Variants in CAST observed in about 807,000 individuals in gnomAD.
CAST encodes the protein MIR583 host.
CAST carries 76 observed loss-of-function variants against 119.6 expected under a neutral mutation model. The ratio of observed to expected loss-of-function variants is 0.64; its 90% CI spans 0.53 to 0.77. The LOEUF is 0.77. Ranked by LOEUF, CAST falls within the 30% of genes least tolerant of loss-of-function variation. The probability of loss-of-function intolerance (pLI) is 0.00; values close to 1 mark genes in which losing one functional copy is unlikely to be tolerated. For missense variants in CAST, 953 were observed against 946.5 expected, an observed-to-expected ratio of 1.01 and a Z score of -0.09; for synonymous variants, 319 against 331.6, an observed-to-expected ratio of 0.96 and a Z score of 0.41.
At chr5:96,197,139 C>A in the CAST span, among the ~76,000 whole-genome samples, 1 of 152,190 alleles carries the variant, frequency 6.6e-6, no homozygotes, top group East Asian at 1.9e-4. Flanking sequence ...GAGCTCAGAA[C>A]CACCGGGTTA....
At chr5:96,362,816 T>C in the CAST span, among the ~76,000 whole-genome samples, 1 of 152,114 alleles carries the variant, frequency 6.6e-6, no homozygotes, top group African/African-American at 2.4e-5. Flanking sequence ...TTTCTTTTGC[T>C]GTGCAGAAGC....
chr5:96,388,845 G>A, the CAST span, among the ~76,000 whole-genome samples: 2 of 151,918 alleles, frequency 1.3e-5, no homozygotes, highest in African/African-American at 4.8e-5. Context: ...ATTGTTTTAT[G>A]TACAACACAA....
chr5:96,371,278 A>G, the CAST span, among the ~76,000 whole-genome samples: 1 of 152,156 alleles, frequency 6.6e-6, no homozygotes, highest in Non-Finnish European at 1.5e-5. Flanking sequence ...AGTTCTGGAA[A>G]AGTTTCCAGA....
chr5:96,330,763 A>G, the CAST span, among the ~76,000 whole-genome samples: 2 of 152,226 alleles, frequency 1.3e-5, no homozygotes, highest in Non-Finnish European at 2.9e-5. Context: ...TCATGATTTC[A>G]TAACAGCAAA....
the CAST span, among the ~76,000 whole-genome samples, chr5:96,094,903 A>G: frequency 6.6e-6 from 1 of 152,232 alleles, no homozygotes; most frequent in Non-Finnish European, 1.5e-5. Context: ...TAATTAGGCT[A>G]CAAAAGTCTT....
chr5:96,021,738 G>A, the CAST span, among the ~76,000 whole-genome samples: 1,521 of 152,144 alleles, frequency 1.0e-2, 32 homozygotes, highest in African/African-American at 0.035. Flanking sequence ...GAGCCACTGC[G>A]CCTGGCTGAT....
intron 1 of CAST, among the ~76,000 whole-genome samples, chr5:96,536,220 G>T (rs962462535): frequency 6.6e-6 from 1 of 151,800 alleles, no homozygotes; most frequent in South Asian, 2.1e-4. Context: ...TTAGCCAGGC[G>T]TGGTGAGAGA....
chr5:96,194,944 C>A, the CAST span, among the ~76,000 whole-genome samples: 1 of 152,126 alleles, frequency 6.6e-6, no homozygotes, highest in Non-Finnish European at 1.5e-5. Flanking sequence ...CAGTAAGATG[C>A]AGGCATACCT....
At chr5:95,971,527 C>T in the CAST span, among the ~76,000 whole-genome samples, 1 of 152,170 alleles carries the variant, frequency 6.6e-6, no homozygotes, top group South Asian at 2.1e-4. Context: ...TATTTTATAT[C>T]AAAAATTCGA....
intron 1 of CAST, among the ~76,000 whole-genome samples, chr5:96,540,050 A>G (rs1211701199): frequency 6.6e-6 from 1 of 152,108 alleles, no homozygotes; most frequent in Non-Finnish European, 1.5e-5. Context: ...ATAGCTTCAA[A>G]TATGTGTAGT....
chr5:96,498,670 T>C, the CAST span, among the ~76,000 whole-genome samples: 3 of 152,212 alleles, frequency 2.0e-5, no homozygotes, highest in African/African-American at 4.8e-5. Flanking sequence ...TTATTTGTGG[T>C]AAATAATTAT....
chr5:96,518,810 C>T, the CAST span, among the ~76,000 whole-genome samples: 1 of 152,052 alleles, frequency 6.6e-6, no homozygotes, highest in Non-Finnish European at 1.5e-5. Context: ...GTCAGGAGTT[C>T]AAGATCAGCC....
chr5:96,462,567 A>C, the CAST span, among the ~76,000 whole-genome samples: 19 of 152,138 alleles, frequency 1.2e-4, no homozygotes, highest in Admixed American at 1.2e-3. Flanking sequence ...ATTCATCATC[A>C]TTATTATTTT....
chr5:95,976,036 C>T, the CAST span, among the ~76,000 whole-genome samples: 1 of 151,966 alleles, frequency 6.6e-6, no homozygotes, highest in Non-Finnish European at 1.5e-5. Flanking sequence ...CACTGTGCTC[C>T]CAAGCACATT....
chr5:96,614,561 A>G (rs1393003656), intron 1 of CAST, among the ~76,000 whole-genome samples: 2 of 152,200 alleles, frequency 1.3e-5, no homozygotes, highest in African/African-American at 4.8e-5. Flanking sequence ...GCAGGGGATT[A>G]GAAGAGGAAA....
the CAST span, among the ~76,000 whole-genome samples, chr5:96,309,882 G>T: frequency 1.3e-5 from 2 of 152,336 alleles, no homozygotes; most frequent in Admixed American, 1.3e-4. Flanking sequence ...GCTACAGACC[G>T]GAGCTGTTCC....
At chr5:96,552,488 C>G (rs1746153326) in intron 1 of CAST, among the ~76,000 whole-genome samples, 1 of 152,010 alleles carries the variant, frequency 6.6e-6, no homozygotes, top group African/African-American at 2.4e-5. Context: ...AATTGATACC[C>G]TAACATCACA....
At chr5:96,444,771 T>TA in the CAST span, among the ~76,000 whole-genome samples, 1 of 152,212 alleles carries the variant, frequency 6.6e-6, no homozygotes, top group Admixed American at 6.5e-5. Context: ...ATTTTTTGCT[T>TA]TTTTTCCTGC....
At chr5:96,749,244 T>G (rs3756623) in intron 19 of CAST, among the ~76,000 whole-genome samples, 14,682 of 152,220 alleles carry the variant, frequency 0.096, 854 homozygotes, top group African/African-American at 0.15. Context: ...TGCTTTTCCC[T>G]CCCTAAGCTA....
Sources: gnomAD v4.1 joint callset for allele counts (sites outside exome capture counted in the v4.1 genomes callset) on GRCh38, gnomAD v4.1.1 for gene constraint, MANE v1.5 for transcripts, NCBI Gene and HGNC (gene_info 2026-07-23, HGNC 2026-07-21) for gene names.